The following SOX5 variants were observed in gnomAD, a reference collection of about 807,000 sequenced individuals.
The protein encoded by SOX5 is transcription factor SOX-5.
A neutral mutation model predicts 92.0 loss-of-function variants in SOX5; 9 were observed. The ratio of observed to expected loss-of-function variants is 0.10; its 90% CI spans 0.06 to 0.17. The LOEUF (loss-of-function observed/expected upper bound fraction) is 0.17, where lower values mean the gene tolerates loss of function less well. SOX5 is among the 10% of genes least tolerant of loss of function. SOX5 has a pLI of 1.00. For missense variants in SOX5, 642 were observed against 944.5 expected (o/e 0.68, Z 4.20); for synonymous variants, 344 against 336.3 (o/e 1.02, Z -0.25).
chr12:23,587,738 T>C (rs1437595564), intron 9 of SOX5, among the ~76,000 whole-genome samples: 2 of 152,118 alleles, frequency 1.3e-5, no homozygotes, highest in African/African-American at 4.8e-5. Flanking sequence ...CACTATTATT[T>C]ATATAGACCT....
intron 4 of SOX5, among the ~76,000 whole-genome samples, chr12:24,148,688 T>TAAAAAAAAAAAAAA (rs398018872): frequency 1.4e-5 from 1 of 70,952 alleles, no homozygotes; most frequent in African/African-American, 8.6e-5. Context: ...CCATCTCTAC[T>TAAAAAAAAAAAAAA]AAAAAAAAAA....
chr12:23,964,536 T>C (rs1225225988), intron 4 of SOX5, among the ~76,000 whole-genome samples: 1 of 152,148 alleles, frequency 6.6e-6, no homozygotes. Context: ...AAGGCCAACT[T>C]TGTAAGGGAG....
At chr12:24,231,373 A>G (rs1963363113) in intron 3 of SOX5, among the ~76,000 whole-genome samples, 1 of 152,184 alleles carries the variant, frequency 6.6e-6, no homozygotes, top group Non-Finnish European at 1.5e-5. Context: ...CTTCTCACCT[A>G]TCTAATATGA....
rs191236919 is a variant in SOX5 at position 23,934,502 on chromosome 12, C to A, written c.38+15062G>T. 2.0e-5 allele frequency among the ~76,000 whole-genome samples: 3 copies of A among 148,704 alleles called. No homozygotes were observed. In the Admixed American group the frequency reaches 2.0e-4, roughly 10 times the overall value. On this transcript the variant is annotated intron_variant, in intron 1 of 14. Coordinates refer to ENST00000451604, the MANE Select transcript of SOX5 (RefSeq NM_006940.6). Reference sequence around the variant, plus strand: ...ATATATATGTCTAATATATAAAATACAAATGATTATACAACATGAATATTT... The same window carrying A: ...ATATATATGTCTAATATATAAAATAAAAATGATTATACAACATGAATATTT...
chr12:23,714,516 G>C (rs1291308538), intron 6 of SOX5, among the ~76,000 whole-genome samples: 2 of 152,122 alleles, frequency 1.3e-5, no homozygotes, highest in South Asian at 4.1e-4. Context: ...CAGCTATTAG[G>C]GAAGCTGAGG....
chr12:23,867,759 C>T (rs936484129), intron 2 of SOX5, among the ~76,000 whole-genome samples: 14 of 151,696 alleles, frequency 9.2e-5, no homozygotes, highest in Non-Finnish European at 2.9e-5. Context: ...AACAGTGATG[C>T]CTCTTACTTT....
intron 4 of SOX5, among the ~76,000 whole-genome samples, chr12:24,031,286 C>G (rs1351320399): frequency 2.0e-5 from 3 of 151,180 alleles, no homozygotes; most frequent in African/African-American, 7.3e-5. Context: ...TCACAATAGC[C>G]AAGATACAGA....
At chr12:23,979,707 G>GTTGTTGTTTT (rs1949333613) in intron 4 of SOX5, among the ~76,000 whole-genome samples, 13 of 77,472 alleles carry the variant, frequency 1.7e-4, no homozygotes, top group African/African-American at 6.6e-4. Flanking sequence ...TGTTTTTTTT[G>GTTGTTGTTTT]TTTTTTTTTT....
intron 1 of SOX5, among the ~76,000 whole-genome samples, chr12:24,424,812 G>GGC (rs1555286295): frequency 3.3e-5 from 5 of 150,716 alleles, no homozygotes; most frequent in South Asian, 4.2e-4. Flanking sequence ...TTTTTTTGGG[G>GGC]GGGGGGGATG....
intron 1 of SOX5, among the ~76,000 whole-genome samples, chr12:24,394,498 G>A (rs1447783801): frequency 2.0e-5 from 3 of 152,138 alleles, no homozygotes; most frequent in Admixed American, 6.6e-5. Context: ...TGATGCAGGG[G>A]CTAGACATCA....
chr12:23,913,243 C>G (rs1209493808), intron 1 of SOX5, among the ~76,000 whole-genome samples: 1 of 151,960 alleles, frequency 6.6e-6, no homozygotes, highest in Non-Finnish European at 1.5e-5. Context: ...GATTTTTCCC[C>G]AAAGAATCAA....
chr12:23,678,281 C>T (rs1221445114), intron 6 of SOX5, among the ~76,000 whole-genome samples: 1 of 152,002 alleles, frequency 6.6e-6, no homozygotes. Flanking sequence ...ACATTACTTG[C>T]AAAAATCTGA....
intron 9 of SOX5, among the ~76,000 whole-genome samples, chr12:23,600,795 C>G (rs1014100529): frequency 1.3e-5 from 2 of 151,706 alleles, no homozygotes; most frequent in African/African-American, 4.8e-5. Flanking sequence ...ACTGTGAGTC[C>G]TCTAAAGGTT....
At chr12:23,547,550 T>C (rs1008039007) in intron 11 of SOX5, among the ~76,000 whole-genome samples, 3 of 152,080 alleles carry the variant, frequency 2.0e-5, no homozygotes, top group South Asian at 2.1e-4. Context: ...TAATGAGATA[T>C]TGAAATTCTT....
At chr12:23,807,108 T>G (rs1190405783) in intron 3 of SOX5, among the ~76,000 whole-genome samples, 2 of 149,628 alleles carry the variant, frequency 1.3e-5, no homozygotes, top group African/African-American at 4.9e-5. Context: ...ATTCTTCTTT[T>G]ACACACCAAT....
intron 6 of SOX5, among the ~76,000 whole-genome samples, chr12:23,688,484 T>C (rs1369227449): frequency 6.6e-6 from 1 of 152,064 alleles, no homozygotes; most frequent in Non-Finnish European, 1.5e-5. Flanking sequence ...CCTGACTGCA[T>C]AGCAATAATA....
intron 1 of SOX5, among the ~76,000 whole-genome samples, chr12:24,406,187 T>C (rs1962901306): frequency 6.6e-6 from 1 of 152,126 alleles, no homozygotes; most frequent in South Asian, 2.1e-4. Context: ...AGAGCCAGCC[T>C]GAAGCCCAAG....
intron 9 of SOX5, among the ~76,000 whole-genome samples, chr12:23,586,936 T>G (rs1489263586): frequency 2.0e-5 from 3 of 150,306 alleles, no homozygotes; most frequent in South Asian, 2.1e-4. Flanking sequence ...ATATATTTTT[T>G]ATATATTTTT....
intron 1 of SOX5, among the ~76,000 whole-genome samples, chr12:24,517,318 G>C (rs1366086549): frequency 6.6e-6 from 1 of 152,098 alleles, no homozygotes; most frequent in African/African-American, 2.4e-5. Flanking sequence ...ACACAACCAA[G>C]CAGCCCCTAA....
Sources: allele counts gnomAD v4.1 joint callset (sites outside exome capture counted in the v4.1 genomes callset), GRCh38; gene constraint gnomAD v4.1.1; transcripts MANE v1.5; gene names NCBI Gene and HGNC (gene_info 2026-07-23, HGNC 2026-07-21).